Variants in SSR4 observed in about 807,000 individuals in gnomAD.
SSR4 encodes signal sequence receptor subunit 4, also known as translocon-associated protein subunit delta.
For missense variants in SSR4, 125 were observed against 148.8 expected (o/e 0.84, Z 0.83); for synonymous variants, 84 against 65.6 (o/e 1.28, Z -1.35).
chrX:153,794,776 C>T (rs2092129109), intron 1 of SSR4, 22 bp downstream of exon 1: 1 of 1,204,881 alleles, frequency 8.3e-7, no homozygotes, highest in Admixed American at 2.2e-5. Context: ...GCCGGGGCTT[C>T]TTTCTTGCGA....
At chrX:153,794,567 A>G, upstream of SSR4, 1 of 1,176,760 alleles carries the variant, frequency 8.5e-7, no homozygotes, top group Non-Finnish European at 1.1e-6. Flanking sequence ...AGACGTCACA[A>G]TGCCGGCCCA....
At chrX:153,794,383 T>A (rs1557071469), upstream of SSR4, 3 of 1,154,525 alleles carry the variant, frequency 2.6e-6, no homozygotes, top group African/African-American at 5.3e-5. Flanking sequence ...CTCGCGAGAG[T>A]TCGACGGGGT....
chrX:153,796,764 G>T, intron 2 of SSR4: 1 of 396,010 alleles, frequency 2.5e-6, no homozygotes, highest in Non-Finnish European at 4.4e-6. Context: ...GTAACCCTGG[G>T]CTCACCACCC....
At chrX:153,796,602 C>T in intron 2 of SSR4, 50 bp downstream of exon 2, 2 of 920,389 alleles carry the variant, frequency 2.2e-6, no homozygotes, top group Non-Finnish European at 3.2e-6. Flanking sequence ...GTGCTCCTCA[C>T]TGCTAGTTGA....
chrX:153,796,579 G>GCACCCCCCACCCGCCCTCCT, intron 2 of SSR4, 27 bp downstream of exon 2: 1 of 1,068,301 alleles, frequency 9.4e-7, no homozygotes, highest in Non-Finnish European at 1.3e-6. Context: ...TCAGACAGGA[G>GCACCCCCCACCCGCCCTCCT]GGCGGGTGGG....
Position 153,798,155 on chromosome X carries a change from C to G in SSR4, c.417+19C>G. 8.3e-7 allele frequency: 1 copy of G among 1,207,673 alleles called. No individual in the cohort carries two copies. Among genetic ancestry groups the G allele is most frequent in the Non-Finnish European group, 1.1e-6 (1 of 891,590 alleles). ...CCATCGGGTGAGTGGCCTGGTCCCT[C>G]CTCCTTTTTGGGGTTGTTGGGCTGA... On this transcript the variant is annotated intron_variant, in intron 5 of 5. Coordinates refer to ENST00000370086, the MANE Select transcript of SSR4 (RefSeq NM_006280.3).
chrX:153,797,544 A>G lies in SSR4; in HGVS notation c.261+12A>G, dbSNP rs782220552. ...TGGGGCGTTATCAGGTGAGGGGCCA[A>G]TGGTTCCCTTGCTAGGGGGCTCCCT... On this transcript the variant is annotated intron_variant, in intron 3 of 5. Transcript: ENST00000370086. The G allele has an allele frequency of 7.5e-6, 9 of 1,205,066 alleles. No individual in the cohort carries two copies. The highest frequency in any genetic ancestry group is 5.3e-5 in the South Asian group (3 of 56,838).
At chrX:153,795,948 C>T (rs1379580047) in intron 1 of SSR4, 5 of 570,326 alleles carry the variant, frequency 8.8e-6, no homozygotes, top group South Asian at 8.9e-5. Flanking sequence ...GGCCAGTCTT[C>T]ACCTTCTGTC....
In SSR4 at chrX:153,796,658, G is replaced by A. The variant is rs1323710104; in HGVS notation, c.186+106G>A. 3 of 643,273 alleles carry A rather than the reference G, an allele frequency of 4.7e-6. No homozygotes were observed. The African/African-American group carries it at 6.5e-5, about 14-fold the overall frequency. 53.0% of individuals were successfully genotyped at this position (643,273 alleles called of 1,213,427 possible). On this transcript the variant is annotated intron_variant, in intron 2 of 5. Coordinates refer to ENST00000370086, the MANE Select transcript of SSR4 (RefSeq NM_006280.3). ...AGGGAGAATCAAGATTCCAACTCTT[G>A]GGGTGCCGGAGAGATCAGGGCACGG...
Position 153,796,320 on chromosome X carries a change from A to G in SSR4, c.68-114A>G, listed in dbSNP as rs2239714. On this transcript the variant is annotated intron_variant, in intron 1 of 5. Transcript: ENST00000370086. Reference sequence around the variant, plus strand: ...CATATCCCACCTGGAAGGGGCAGGAAGAGCGCATGGGTCCCCAGCTGATCC... The same window carrying G: ...CATATCCCACCTGGAAGGGGCAGGAGGAGCGCATGGGTCCCCAGCTGATCC... 223,376 of 514,588 alleles carry G rather than the reference A, an allele frequency of 0.43. 35,665 individuals are homozygous for G. Among genetic ancestry groups the G allele is most frequent in the East Asian group, 0.81 (23,876 of 29,455 alleles). The allele number at this position is 514,588 out of a possible 1,213,427, so 42.4% of individuals were successfully genotyped here. A position where few individuals can be genotyped will look rare whatever the true frequency, so the allele number is the denominator to read the frequency against.
intron 1 of SSR4, chrX:153,795,828 T>G (rs1317383747): frequency 1.3e-6 from 1 of 754,121 alleles, no homozygotes; most frequent in African/African-American, 2.3e-5. Context: ...TTCCTTTCCT[T>G]TGGGCCTCTG....
In SSR4 at chrX:153,798,477, A is replaced by G. The variant is rs1557073429; in HGVS notation, c.*44A>G. On this transcript the variant is annotated 3_prime_UTR_variant, in exon 6 of 6. Coordinates refer to ENST00000370086, the MANE Select transcript of SSR4 (RefSeq NM_006280.3). Reference sequence around the variant, plus strand: ...GCCCTTGCTTCCTTCAATAAACATCACAGGACCTGGGACTGCACAGGACCT... The same window carrying G: ...GCCCTTGCTTCCTTCAATAAACATCGCAGGACCTGGGACTGCACAGGACCT... 31 of 1,102,486 alleles carry G rather than the reference A, an allele frequency of 2.8e-5. No homozygotes were observed. Among genetic ancestry groups the G allele is most frequent in the Non-Finnish European group, 3.8e-5 (31 of 820,105 alleles). 90.9% of individuals were successfully genotyped at this position (1,102,486 alleles called of 1,213,427 possible). A position where few individuals can be genotyped will look rare whatever the true frequency, so the allele number is the denominator to read the frequency against.
At chrX:153,797,101 G>C (rs1421308773) in intron 2 of SSR4, 3 of 245,117 alleles carry the variant, frequency 1.2e-5, no homozygotes, top group Non-Finnish European at 2.2e-5. Context: ...GCCCTCTTAG[G>C]GTAAAGCACC....
chrX:153,797,765 C>T lies in SSR4; in HGVS notation c.302C>T (p.Thr101Ile). The T allele has an allele frequency of 3.3e-6, 4 of 1,210,634 alleles. No homozygotes were observed. Among genetic ancestry groups the T allele is most frequent in the Non-Finnish European group, 4.5e-6 (4 of 895,104 alleles). Residue 101 changes from threonine (T) to isoleucine (I), a missense_variant, in exon 4 of 6, where the codon ACC (threonine) becomes ATC (isoleucine). Coordinates refer to ENST00000370086, the MANE Select transcript of SSR4 (RefSeq NM_006280.3). ...GACCACAAGAGCGCCCACGCAGGCA[C>T]CTATGAGGTTAGATTCTTCGACGAG... ...SLDHKSAHAGTYEVRFFDEES... is the reference protein window; with the variant it reads ...SLDHKSAHAGIYEVRFFDEES...
chrX:153,794,413 C>T, upstream of SSR4: 3 of 1,139,623 alleles, frequency 2.6e-6, no homozygotes, highest in East Asian at 3.3e-5. Context: ...CGGGGACAGG[C>T]GCGGACCCGG....
intron 2 of SSR4, 70 bp from the exon 3 acceptor site, chrX:153,797,388 A>C: frequency 1.0e-6 from 1 of 979,077 alleles, no homozygotes; most frequent in Middle Eastern, 2.8e-4. Context: ...CCGTGTGAGC[A>C]GCGCACAGGG....
In SSR4 at chrX:153,798,105, C is replaced by T. The variant is rs782131269; in HGVS notation, c.386C>T (p.Pro129Leu). 5.0e-6 allele frequency: 6 copies of T among 1,211,273 alleles called. No homozygotes were observed. Among genetic ancestry groups the T allele is most frequent in the Admixed American group, 2.2e-5 (1 of 46,041 alleles). ...AATAACGAGGACATTTCCATCATCC[C>T]GCCTCTGTTTACAGTCAGCGTGGAC... ...QRNNEDISII[P>L]PLFTVSVDHR... Residue 129 changes from proline to leucine, a missense_variant, in exon 5 of 6, where the codon CCG becomes CTG. Coordinates refer to ENST00000370086, the MANE Select transcript of SSR4 (RefSeq NM_006280.3).
Position 153,796,459 on chromosome X carries a change from C to G in SSR4, c.93C>G (p.Ile31Met), listed in dbSNP as rs1557072497. Reference sequence around the variant, plus strand: ...CCGAGGCCTGCCTGGAGCCCCAGATCACCCCTTCCTACTACACCACTTCTG... The same window carrying G: ...CCGAGGCCTGCCTGGAGCCCCAGATGACCCCTTCCTACTACACCACTTCTG... The part of the protein sequence containing the change: ...CSAEACLEPQ[I>M]TPSYYTTSDA... Residue 31 changes from isoleucine (I) to methionine (M), a missense_variant, in exon 2 of 6, where the codon ATC becomes ATG. Physicochemically the swap from Ile to Met is conservative, Grantham distance 10. Coordinates refer to ENST00000370086, the MANE Select transcript of SSR4 (RefSeq NM_006280.3). The G allele has an allele frequency of 8.3e-7, 1 of 1,210,898 alleles. No individual in the cohort carries two copies. Among genetic ancestry groups the G allele is most frequent in the East Asian group, 3.0e-5 (1 of 33,856 alleles).
intron 2 of SSR4, chrX:153,796,866 T>TTGTTTC: frequency 3.9e-6 from 1 of 254,128 alleles, no homozygotes; most frequent in Non-Finnish European, 7.0e-6. Context: ...TGTGGGTGTT[T>TTGTTTC]TGTTTTTGTT....
Sources: allele counts gnomAD v4.1 joint callset, GRCh38; gene constraint gnomAD v4.1.1; transcripts MANE v1.5; gene names NCBI Gene and HGNC (gene_info 2026-07-23, HGNC 2026-07-21).